Variants in CYB5R4 observed in about 807,000 individuals in gnomAD.
The protein encoded by CYB5R4 is cytochrome b5 reductase 4, also known as N-terminal cytochrome b5 and cytochrome b5 oxidoreductase domain-containing protein.
A neutral mutation model predicts 70.2 loss-of-function variants in CYB5R4; 55 were observed. That is an observed-to-expected ratio of 0.78 (90% CI 0.63 to 0.98). The LOEUF (loss-of-function observed/expected upper bound fraction) is 0.98. CYB5R4 is among the 50% of genes least tolerant of loss of function. CYB5R4 has a pLI of 0.00. For synonymous variants in CYB5R4, 197 were observed against 199.5 expected (o/e 0.99, Z 0.11); for missense variants, 562 against 612.6 (o/e 0.92, Z 0.87).
chr6:83,864,548 A>G (rs191670076), intron 2 of CYB5R4, among the ~76,000 whole-genome samples: 7 of 152,332 alleles, frequency 4.6e-5, no homozygotes, highest in African/African-American at 1.7e-4. Flanking sequence ...TGATACGAAA[A>G]AGTTTTTCTT....
intron 12 of CYB5R4, among the ~76,000 whole-genome samples, chr6:83,937,905 G>T (rs61756902): frequency 3.3e-5 from 5 of 152,144 alleles, no homozygotes; most frequent in Non-Finnish European, 5.9e-5. Context: ...CTCCCTTTTG[G>T]TGTCACCTCC....
rs2099462687 is a variant in CYB5R4, at chr6:83,900,240, G to A, written c.330+6618G>A. 2.0e-5 allele frequency among the ~76,000 whole-genome samples: 3 copies of A among 152,134 alleles called. No individual in the cohort carries two copies. In the South Asian group the frequency reaches 6.2e-4, roughly 31 times the overall value. ...TCGTTTTGTACCCAGTAGTCATTCA[G>A]GAGCAGGTTGTTCAGTTTCCATGTA... On this transcript the variant is annotated intron_variant, in intron 3 of 15. Transcript: ENST00000369681.
At chr6:83,959,337 C>CTCTA (rs1205944541) in intron 15 of CYB5R4, among the ~76,000 whole-genome samples, 1 of 152,044 alleles carries the variant, frequency 6.6e-6, no homozygotes, top group Non-Finnish European at 1.5e-5. Context: ...CTGATCAAGC[C>CTCTA]TCTAGATCCA....
rs935606027 is a variant in CYB5R4 at position 83,864,198 on chromosome 6, C to T, written c.99C>T (p.Ser33=). Residue 33 remains serine (S), a synonymous_variant, in exon 2 of 16, where the codon AGC becomes AGT. Transcript: ENST00000369681. ...AGGTACCTTTAAAACAGGGCAGAAG[C>T]CTTATGGATTGGATTCGACTGACCA... is the stretch of plus-strand genomic sequence containing the variant. ...RSKVPLKQGR[S]LMDWIRLTKS... 6.8e-6 allele frequency: 11 copies of T among 1,607,434 alleles called. No homozygotes were observed. Among genetic ancestry groups the T allele is most frequent in the Non-Finnish European group, 7.6e-6 (9 of 1,177,242 alleles).
At chr6:83,954,027 C>G (rs2099471943) in intron 14 of CYB5R4, among the ~76,000 whole-genome samples, 1 of 151,986 alleles carries the variant, frequency 6.6e-6, no homozygotes, top group Non-Finnish European at 1.5e-5. Flanking sequence ...TTCAAGGGTC[C>G]CAACCCCTTC....
In CYB5R4 at chr6:83,924,475, G is replaced by C; in HGVS notation, c.697G>C (p.Val233Leu). The C allele has an allele frequency of 1.2e-6, 2 of 1,613,438 alleles. No individual in the cohort carries two copies. Among genetic ancestry groups the C allele is most frequent in the African/African-American group, 1.3e-5 (1 of 74,976 alleles). The part of the protein sequence containing the change: ...HEVQEDFSVR[V>L]VESVGKIEIV... ...GGAATTTATCTTCTTTTCAGTGCGG[G>C]TTGTTGAGAGTGTGGGAAAAATAGA... Residue 233 changes from valine (V) to leucine (L), a missense_variant, in exon 10 of 16, where the codon GTT becomes CTT. Val to Leu is a conservative substitution (Grantham distance 32). Transcript: ENST00000369681.
Position 83,914,448 on chromosome 6 carries a change from G to A in CYB5R4, c.445G>A (p.Gly149Ser). Residue 149 changes from glycine to serine, a missense_variant and splice_region_variant, in exon 5 of 16, where the codon GGC (glycine) becomes AGC (serine). Physicochemically the swap from Gly to Ser is moderately conservative, Grantham distance 56. Coordinates refer to ENST00000369681, the MANE Select transcript of CYB5R4 (RefSeq NM_016230.4). Reference protein sequence around the residue: ...YREEEKKVLNGMLPKSQVTDT... With the variant: ...YREEEKKVLNSMLPKSQVTDT... ...TGAGGAGGAAAAGAAAGTCTTAAATGGTAAGTCTATAAATTTATAATAAAT... is the reference window on the plus strand; with the variant it reads ...TGAGGAGGAAAAGAAAGTCTTAAATAGTAAGTCTATAAATTTATAATAAAT... 1 of 1,518,030 alleles carries A rather than the reference G, an allele frequency of 6.6e-7. No individual in the cohort carries two copies. The highest frequency in any genetic ancestry group is 1.9e-4 in the Middle Eastern group (1 of 5,204). 94.0% of individuals were successfully genotyped at this position (1,518,030 alleles called of 1,614,324 possible). A position where few individuals can be genotyped will look rare whatever the true frequency, so the allele number is the denominator to read the frequency against.
At chr6:83,903,084 C>T (rs2099463252) in intron 3 of CYB5R4, among the ~76,000 whole-genome samples, 1 of 152,088 alleles carries the variant, frequency 6.6e-6, no homozygotes, top group Admixed American at 6.6e-5. Flanking sequence ...AAGTGGGCGT[C>T]CTGTCTTGTT....
intron 14 of CYB5R4, among the ~76,000 whole-genome samples, chr6:83,943,837 T>C (rs1480175192): frequency 6.6e-6 from 1 of 151,420 alleles, no homozygotes; most frequent in Non-Finnish European, 1.5e-5. Flanking sequence ...GCCAAATCGA[T>C]CAAGCGGAAG....
At chr6:83,939,066 C>T (rs2099469362) in intron 12 of CYB5R4, among the ~76,000 whole-genome samples, 1 of 152,034 alleles carries the variant, frequency 6.6e-6, no homozygotes, top group Non-Finnish European at 1.5e-5. Flanking sequence ...GAACTCCCGA[C>T]CTCAGGTGAT....
intron 14 of CYB5R4, among the ~76,000 whole-genome samples, chr6:83,944,931 A>T (rs1213440243): frequency 6.6e-6 from 1 of 152,230 alleles, no homozygotes; most frequent in East Asian, 1.9e-4. Flanking sequence ...TCATAAAGCA[A>T]GTTCTTAGAG....
chr6:83,922,869 A>G (rs1254275040), intron 9 of CYB5R4, among the ~76,000 whole-genome samples: 2 of 151,792 alleles, frequency 1.3e-5, no homozygotes, highest in Non-Finnish European at 2.9e-5. Context: ...GTTCACTGCA[A>G]CCTCTGCCTC....
At chr6:83,863,545 T>A (rs1368563016) in intron 1 of CYB5R4, among the ~76,000 whole-genome samples, 1 of 152,162 alleles carries the variant, frequency 6.6e-6, no homozygotes. Context: ...GGTGAAGAAA[T>A]TTTGGTCCAA....
chr6:83,931,720 G>A (rs2099468161), intron 10 of CYB5R4, among the ~76,000 whole-genome samples: 1 of 151,552 alleles, frequency 6.6e-6, no homozygotes, highest in Non-Finnish European at 1.5e-5. Context: ...GCCAAAAAGT[G>A]GACAGTTAGA....
Position 83,965,033 on chromosome 6 carries a change from G to A in CYB5R4, c.*5155G>A, listed in dbSNP as rs1401672564. 1 of 152,260 alleles carries A rather than the reference G, an allele frequency of 6.6e-6. No individual in the cohort carries two copies. Among genetic ancestry groups the A allele is most frequent in the East Asian group, 1.9e-4 (1 of 5,188 alleles). 9.4% of individuals were successfully genotyped at this position (152,260 alleles called of 1,614,324 possible). A position where few individuals can be genotyped will look rare whatever the true frequency, so the allele number is the denominator to read the frequency against. On this transcript the variant is annotated 3_prime_UTR_variant, in exon 16 of 16. Coordinates refer to ENST00000369681, the MANE Select transcript of CYB5R4 (RefSeq NM_016230.4). ...AGAAGATGTATGGAAATGCCTGGAT[G>A]CCCAGGCAGAAGTTTGCTGCAGGGG...
chr6:83,947,654 A>T (rs2099470829), intron 14 of CYB5R4, among the ~76,000 whole-genome samples: 1 of 152,202 alleles, frequency 6.6e-6, no homozygotes, highest in African/African-American at 2.4e-5. Flanking sequence ...CATCTGACAA[A>T]GGGCTAATAT....
rs113796937 is a variant in CYB5R4 at position 83,878,732 on chromosome 6, A to AT, written c.229+14415dup. Among the ~76,000 whole-genome samples, 393 of 148,448 alleles carry AT rather than the reference A, an allele frequency of 2.6e-3. 4 individuals are homozygous for AT. In the South Asian group the frequency reaches 0.027, roughly 10 times the overall value. On this transcript the variant is annotated intron_variant, in intron 2 of 15. Coordinates refer to ENST00000369681, the MANE Select transcript of CYB5R4 (RefSeq NM_016230.4). ...GTATTTACACTCAGACATGTAGTAC[A>AT]TTTTTTTTTTTCTGGCAGGTAGTTA...
intron 3 of CYB5R4, among the ~76,000 whole-genome samples, chr6:83,895,576 T>A (rs2099461751): frequency 6.6e-6 from 1 of 152,210 alleles, no homozygotes; most frequent in South Asian, 2.1e-4. Flanking sequence ...CTCCTAATGT[T>A]GAATGTACTG....
At chr6:83,907,680 C>G (rs2099464019) in intron 3 of CYB5R4, among the ~76,000 whole-genome samples, 1 of 152,064 alleles carries the variant, frequency 6.6e-6, no homozygotes, top group South Asian at 2.1e-4. Context: ...TCTTTGTTTT[C>G]AGGAGTTCTC....
Sources: gnomAD v4.1 joint callset for allele counts (sites outside exome capture counted in the v4.1 genomes callset) on GRCh38, gnomAD v4.1.1 for gene constraint, MANE v1.5 for transcripts, NCBI Gene and HGNC (gene_info 2026-07-23, HGNC 2026-07-21) for gene names.